TEX14: variants seen among roughly 807,000 people sequenced by gnomAD.
TEX14 encodes the protein testis expressed 14, intercellular bridge forming factor.
TEX14 carries 168 observed loss-of-function variants against 178.6 expected under a neutral mutation model. The observed-to-expected ratio is 0.94, with a 90% confidence interval of 0.83 to 1.07. The LOEUF is 1.07. Ranked by LOEUF, TEX14 falls within the 50% of genes least tolerant of loss-of-function variation. TEX14 has a pLI of 0.00. For missense variants in TEX14, 1,730 were observed against 1,753.6 expected (o/e 0.99, Z 0.24); for synonymous variants, 626 against 634.1 (o/e 0.99, Z 0.19).
At chr17:58,635,744 CT>C (rs1042095264) in intron 2 of TEX14, among the ~76,000 whole-genome samples, 1 of 150,652 alleles carries the variant, frequency 6.6e-6, no homozygotes, top group Non-Finnish European at 1.5e-5. Context: ...AAGGGCTTCT[CT>C]TTTTTTTTGA....
chr17:58,606,031 G>A (rs1444312032), intron 10 of TEX14, among the ~76,000 whole-genome samples: 3 of 152,052 alleles, frequency 2.0e-5, no homozygotes, highest in Non-Finnish European at 2.9e-5. Context: ...AAGCCATCTG[G>A]GACTTCCCCA....
At chr17:58,622,762 A>G in intron 4 of TEX14, 85 bp downstream of exon 4, 5 of 1,339,724 alleles carry the variant, frequency 3.7e-6, no homozygotes, top group Non-Finnish European at 5.1e-6. Flanking sequence ...AGGCCACTGT[A>G]CGCTCTGTGC....
intron 17 of TEX14, among the ~76,000 whole-genome samples, chr17:58,586,607 T>C (rs1409615377): frequency 6.6e-6 from 1 of 152,166 alleles, no homozygotes; most frequent in East Asian, 1.9e-4. Context: ...ATACAAAGAA[T>C]AATGCCCACA....
chr17:58,664,956 G>A (rs1225065240), intron 1 of TEX14, among the ~76,000 whole-genome samples: 3 of 152,106 alleles, frequency 2.0e-5, no homozygotes, highest in African/African-American at 7.2e-5. Flanking sequence ...AGTTTTCCAG[G>A]TAGATGAAGA....
At chr17:58,579,559 G>T in intron 20 of TEX14, 106 bp downstream of exon 20, 2 of 925,850 alleles carry the variant, frequency 2.2e-6, no homozygotes, top group Non-Finnish European at 1.7e-6. Flanking sequence ...TGAAAGGTTT[G>T]GACGAGGCTG....
chr17:58,574,407 T>C (rs2044624531), intron 21 of TEX14, among the ~76,000 whole-genome samples, 158 bp from the exon 22 acceptor site: 1 of 151,974 alleles, frequency 6.6e-6, no homozygotes, highest in African/African-American at 2.4e-5. Context: ...GCCAGGCACG[T>C]TGGCTCACGT....
intron 1 of TEX14, chr17:58,659,298 A>G (rs368186): frequency 0.62 from 599,323 of 961,298 alleles, 188,051 homozygotes; most frequent in African/African-American, 0.71. Flanking sequence ...CCCCCGCCAC[A>G]AAGACATTAT....
intron 1 of TEX14, among the ~76,000 whole-genome samples, chr17:58,689,847 ATTT>A (rs200475844): frequency 7.2e-4 from 102 of 141,290 alleles, no homozygotes; most frequent in African/African-American, 2.0e-3. Flanking sequence ...GGGCCAGAAG[ATTT>A]TTTTTTTTTT....
chr17:58,579,924 C>A (rs965597666), intron 19 of TEX14, among the ~76,000 whole-genome samples, 193 bp from the exon 20 acceptor site: 3 of 152,154 alleles, frequency 2.0e-5, no homozygotes, highest in Admixed American at 2.0e-4. Flanking sequence ...CTCAGTAAGT[C>A]CTCCCTCACC....
intron 13 of TEX14, 67 bp from the exon 14 acceptor site, chr17:58,599,733 C>T: frequency 7.8e-7 from 1 of 1,285,680 alleles, no homozygotes; most frequent in Admixed American, 2.1e-5. Context: ...GCAGCCTTGG[C>T]TTGTTCAAGA....
intron 2 of TEX14, among the ~76,000 whole-genome samples, chr17:58,649,645 TAA>T (rs1050547986): frequency 6.6e-6 from 1 of 152,024 alleles, no homozygotes; most frequent in Non-Finnish European, 1.5e-5. Context: ...TGATGTTCAC[TAA>T]AAAAAAGTGA....
At position 58,598,780 on chromosome 17, in the gene TEX14, A is replaced by AG. The variant is rs1256360963; in HGVS notation, c.2469+95dup. 5.1e-6 allele frequency: 6 copies of AG among 1,168,890 alleles called. No individual in the cohort carries two copies. In the Admixed American group the frequency reaches 1.4e-4, roughly 26 times the overall value. The allele number at this position is 1,168,890 out of a possible 1,614,324, so 72.4% of individuals were successfully genotyped here. ...GATGGCTTATCTCTGACTGATCCCCAGTGTTTACTTTGGAGACTTGGGTGA... is the reference window on the plus strand; with the variant it reads ...GATGGCTTATCTCTGACTGATCCCCAGGTGTTTACTTTGGAGACTTGGGTGA... On this transcript the variant is annotated intron_variant, in intron 14 of 31. Transcript: ENST00000349033.
intron 7 of TEX14, 59 bp downstream of exon 7, chr17:58,616,116 T>A (rs1231743749): frequency 3.9e-6 from 6 of 1,551,574 alleles, no homozygotes; most frequent in Admixed American, 1.9e-5. Flanking sequence ...GGAAGTCACA[T>A]GCAGCCCACT....
intron 2 of TEX14, among the ~76,000 whole-genome samples, chr17:58,637,738 A>T (rs2046469360): frequency 6.6e-6 from 1 of 152,172 alleles, no homozygotes; most frequent in Admixed American, 6.6e-5. Context: ...AAACCTAAGT[A>T]AAGTGTTTCC....
intron 10 of TEX14, among the ~76,000 whole-genome samples, chr17:58,606,717 G>C (rs2045615146): frequency 6.6e-6 from 1 of 151,542 alleles, no homozygotes; most frequent in African/African-American, 2.4e-5. Flanking sequence ...CTGGGTAACA[G>C]AGTGAGACTC....
At chr17:58,623,072 G>A (rs1281597690) in intron 3 of TEX14, 60 bp from the exon 4 acceptor site, 19 of 1,497,756 alleles carry the variant, frequency 1.3e-5, no homozygotes, top group South Asian at 8.6e-5. Context: ...TCCATGGAGC[G>A]GGGCTCAGCG....
chr17:58,683,031 C>T lies in TEX14; in HGVS notation c.-2+8908G>A, dbSNP rs145743793. On this transcript the variant is annotated intron_variant, in intron 1 of 31. Transcript: ENST00000349033. ...TCGCGCCATTGCACTCCAGCCTGGG[C>T]GACAGTGCGAGAGTCTGTCTCAAAA... Among the ~76,000 whole-genome samples, 50 of 129,520 alleles carry T rather than the reference C, an allele frequency of 3.9e-4. 1 individual carries two copies. In the East Asian group the frequency reaches 0.011, roughly 29 times the overall value. The allele number at this position is 129,520 out of a possible 152,430, so 85.0% of individuals were successfully genotyped here.
intron 2 of TEX14, among the ~76,000 whole-genome samples, chr17:58,649,677 A>T (rs16943167): frequency 0.021 from 3,227 of 152,268 alleles, 108 homozygotes; most frequent in African/African-American, 0.073. Context: ...TAGGTATGCT[A>T]TGACTTCTAG....
intron 22 of TEX14, 53 bp downstream of exon 22, chr17:58,574,134 T>A (rs139973804): frequency 6.9e-7 from 1 of 1,440,712 alleles, no homozygotes; most frequent in East Asian, 2.3e-5. Flanking sequence ...ACTATTCCCT[T>A]AAAACCAAGA....
Sources: gnomAD v4.1 joint callset for allele counts (sites outside exome capture counted in the v4.1 genomes callset) on GRCh38, gnomAD v4.1.1 for gene constraint, MANE v1.5 for transcripts, NCBI Gene and HGNC (gene_info 2026-07-23, HGNC 2026-07-21) for gene names.